The following MYT1L variants were observed in gnomAD, a reference collection of about 807,000 sequenced individuals.
MYT1L encodes the protein myelin transcription factor 1 like, also known as myelin transcription factor 1-like protein.
MYT1L carries 12 observed loss-of-function variants against 126.7 expected under a neutral mutation model. The ratio of observed to expected loss-of-function variants is 0.09; its 90% CI spans 0.06 to 0.15. The LOEUF is 0.15. Ranked by LOEUF, MYT1L falls within the 10% of genes least tolerant of loss-of-function variation. The probability of loss-of-function intolerance (pLI) is 1.00; values close to 1 mark genes in which losing one functional copy is unlikely to be tolerated. For missense variants in MYT1L, 979 were observed against 1,585.2 expected (o/e 0.62, Z 6.49); for synonymous variants, 541 against 604.2 (o/e 0.90, Z 1.53).
rs181724953 is a variant in MYT1L at position 1,824,217 on chromosome 2, T to C, written c.3080+14932A>G. 2.6e-5 allele frequency among the ~76,000 whole-genome samples: 4 copies of C among 152,386 alleles called. No homozygotes were observed. The East Asian group carries it at 7.7e-4, about 29-fold the overall frequency. Reference sequence around the variant, plus strand: ...GCTTAGGAGCCTGCATTAAGCATTTTAGATACATGACCCCAACCAATTCTT... The same window carrying C: ...GCTTAGGAGCCTGCATTAAGCATTTCAGATACATGACCCCAACCAATTCTT... On this transcript the variant is annotated intron_variant, in intron 21 of 24. Transcript: ENST00000647738.
Position 2,003,983 on chromosome 2 carries a change from C to G in MYT1L, c.-157-6636G>C, listed in dbSNP as rs541463245. Among the ~76,000 whole-genome samples, 19 of 150,732 alleles carry G rather than the reference C, an allele frequency of 1.3e-4. 1 individual carries two copies. In the South Asian group the frequency reaches 2.3e-3, roughly 18 times the overall value. ...CGTTCTTTCCTGCAGGCATTCTTTC[C>G]TGCAAGCGTTCTTTCCTGCATGCCT... On this transcript the variant is annotated intron_variant, in intron 4 of 24. Coordinates refer to ENST00000647738, the MANE Select transcript of MYT1L (RefSeq NM_001303052.2).
chr2:1,866,497 C>A lies in MYT1L; in HGVS notation c.2712-14794G>T, dbSNP rs1284477837. 5.1e-4 allele frequency among the ~76,000 whole-genome samples: 53 copies of A among 103,654 alleles called. No individual in the cohort carries two copies. The Admixed American group carries it at 5.3e-3, about 10-fold the overall frequency. The allele number at this position is 103,654 out of a possible 152,430, so 68.0% of individuals were successfully genotyped here. A position where few individuals can be genotyped will look rare whatever the true frequency, so the allele number is the denominator to read the frequency against. On this transcript the variant is annotated intron_variant, in intron 18 of 24. Coordinates refer to ENST00000647738, the MANE Select transcript of MYT1L (RefSeq NM_001303052.2). ...GGGAGGAGAGGTGGGAGGAGAGAGG[C>A]AGGCAGAGAGAGAAGGGGAGAGAGA... is the stretch of plus-strand genomic sequence containing the variant.
At chr2:2,271,979 GC>G (rs1384173311) in intron 2 of MYT1L, among the ~76,000 whole-genome samples, 1 of 152,144 alleles carries the variant, frequency 6.6e-6, no homozygotes, top group Non-Finnish European at 1.5e-5. Context: ...GATTCATTCT[GC>G]CTGTCGCTGT....
At chr2:2,175,346 C>G (rs1182494087) in intron 2 of MYT1L, among the ~76,000 whole-genome samples, 3 of 152,002 alleles carry the variant, frequency 2.0e-5, no homozygotes, top group Admixed American at 6.6e-5. Context: ...TCAAGAAGAC[C>G]TTTTGTTTAG....
In MYT1L at chr2:1,790,037, T is replaced by G. The variant is rs6742365; in HGVS notation, c.*1830A>C. On this transcript the variant is annotated 3_prime_UTR_variant, in exon 25 of 25. Transcript: ENST00000647738. ...TCGTGAGATCCCTGTAGTCTCCCTTTGCAACATTATTGATCAGCCGTGAGG... is the reference window on the plus strand; with the variant it reads ...TCGTGAGATCCCTGTAGTCTCCCTTGGCAACATTATTGATCAGCCGTGAGG... 5 of 152,036 alleles carry G rather than the reference T, an allele frequency of 3.3e-5. No individual in the cohort carries two copies. The highest frequency in any genetic ancestry group is 1.2e-4 in the African/African-American group (5 of 41,394). 9.4% of individuals were successfully genotyped at this position (152,036 alleles called of 1,614,324 possible).
At position 1,883,466 on chromosome 2, in the gene MYT1L, G is replaced by A. The variant is rs578171004; in HGVS notation, c.2711+3073C>T. Among the ~76,000 whole-genome samples the A allele has an allele frequency of 1.5e-4, 23 of 152,276 alleles. 1 individual carries two copies. In the South Asian group the frequency reaches 1.7e-3, roughly 11 times the overall value. The stretch of plus-strand genomic sequence containing the variant: ...AGCTCTTTCCTGCTGTTTCTTTCAG[G>A]GAATCCTAGCAAATGAAATGTCACG... On this transcript the variant is annotated intron_variant, in intron 18 of 24. Coordinates refer to ENST00000647738, the MANE Select transcript of MYT1L (RefSeq NM_001303052.2).
chr2:2,207,612 A>G (rs2148877299), intron 2 of MYT1L, among the ~76,000 whole-genome samples: 1 of 152,338 alleles, frequency 6.6e-6, no homozygotes, highest in East Asian at 1.9e-4. Flanking sequence ...AGCCTGGAAC[A>G]CTGAAAAATC....
At chr2:1,834,396 A>G (rs570986263) in intron 21 of MYT1L, among the ~76,000 whole-genome samples, 2 of 152,366 alleles carry the variant, frequency 1.3e-5, no homozygotes, top group South Asian at 4.1e-4. Context: ...CTGGGTATTC[A>G]TATTATTACA....
intron 21 of MYT1L, chr2:1,824,707 T>G (rs902795573): frequency 6.6e-6 from 1 of 151,258 alleles, no homozygotes; most frequent in African/African-American, 2.5e-5. Flanking sequence ...CTCCGCAGTA[T>G]CCCGGCTGAT....
intron 22 of MYT1L, among the ~76,000 whole-genome samples, chr2:1,802,520 ACT>A (rs764646512): frequency 2.0e-5 from 3 of 152,186 alleles, no homozygotes; most frequent in Non-Finnish European, 4.4e-5. Context: ...CAATTTGTAA[ACT>A]CTGCCAGAAT....
intron 3 of MYT1L, among the ~76,000 whole-genome samples, chr2:2,105,997 G>T (rs1056900337): frequency 1.3e-5 from 2 of 152,114 alleles, no homozygotes; most frequent in African/African-American, 4.8e-5. Flanking sequence ...GCACGTGCTG[G>T]TTGAAAAGAA....
intron 2 of MYT1L, among the ~76,000 whole-genome samples, chr2:2,186,638 CTCTAGTAAATAAGGA>C (rs2092230496): frequency 6.6e-6 from 1 of 152,184 alleles, no homozygotes; most frequent in Non-Finnish European, 1.5e-5. Context: ...CCGCCACTCC[CTCTAGTAAATAAGGA>C]TCCTTGGGTT....
chr2:2,236,781 C>T (rs868218977), intron 2 of MYT1L, among the ~76,000 whole-genome samples: 19 of 121,484 alleles, frequency 1.6e-4, no homozygotes, highest in South Asian at 2.6e-4. Context: ...TCTTCTTCTT[C>T]TTCTTCTTCT....
chr2:2,116,102 G>A (rs1575273986), intron 3 of MYT1L, among the ~76,000 whole-genome samples: 1 of 152,210 alleles, frequency 6.6e-6, no homozygotes, highest in Non-Finnish European at 1.5e-5. Context: ...GGTTCCACTC[G>A]ATGTTCAATG....
chr2:2,002,572 G>A (rs1219968148), intron 4 of MYT1L, among the ~76,000 whole-genome samples: 3 of 152,184 alleles, frequency 2.0e-5, no homozygotes, highest in Non-Finnish European at 4.4e-5. Context: ...GGTGGACCAA[G>A]CATTATACTA....
intron 18 of MYT1L, among the ~76,000 whole-genome samples, chr2:1,877,797 T>A (rs1573134466): frequency 1.3e-5 from 2 of 150,532 alleles, no homozygotes; most frequent in African/African-American, 2.5e-5. Flanking sequence ...TCCTAAATTG[T>A]AGAAAAAAAA....
rs569761353 is a variant in MYT1L, at chr2:1,943,748, T to C, written c.153-414A>G. On this transcript the variant is annotated intron_variant, in intron 8 of 24. Transcript: ENST00000647738. This position sits in a 1 kb window ranked among gnomAD's most constrained non-coding sequence, Gnocchi z 4.4. ...GAAGCAAGATTTATTTTAATCACAT[T>C]ATATTTACATATATATTTATGTAAA... 1.3e-5 allele frequency among the ~76,000 whole-genome samples: 2 copies of C among 152,316 alleles called. No homozygotes were observed. Among genetic ancestry groups the C allele is most frequent in the South Asian group, 4.1e-4 (2 of 4,826 alleles).
intron 3 of MYT1L, among the ~76,000 whole-genome samples, chr2:2,114,658 A>G (rs532147556): frequency 1.3e-5 from 2 of 152,362 alleles, no homozygotes; most frequent in East Asian, 1.9e-4. Context: ...ATTCTGAAAT[A>G]TAAGAGGTAC....
chr2:2,318,962 T>A (rs990826718), intron 1 of MYT1L, among the ~76,000 whole-genome samples: 6 of 152,174 alleles, frequency 3.9e-5, no homozygotes, highest in Non-Finnish European at 2.9e-5. Flanking sequence ...TAATTCTAAA[T>A]AGGCAGGTAT....
Sources: gnomAD v4.1 joint callset for allele counts (sites outside exome capture counted in the v4.1 genomes callset) on GRCh38, gnomAD v4.1.1 for gene constraint, Gnocchi (gnomAD v3.1) non-coding constraint, MANE v1.5 for transcripts, NCBI Gene and HGNC (gene_info 2026-07-23, HGNC 2026-07-21) for gene names.